The following TRIO variants were observed in gnomAD, a reference collection of about 807,000 sequenced individuals.
TRIO encodes the protein trio Rho guanine nucleotide exchange factor.
TRIO carries 58 observed loss-of-function variants against 351.9 expected under a neutral mutation model. That is an observed-to-expected ratio of 0.16 (90% CI 0.13 to 0.21). TRIO has a LOEUF of 0.21. Ranked by LOEUF, TRIO falls within the 10% of genes least tolerant of loss-of-function variation. TRIO has a pLI of 1.00. For missense variants in TRIO, 3,201 were observed against 4,027.8 expected (o/e 0.79, Z 5.56); for synonymous variants, 1,758 against 1,595.7 (o/e 1.10, Z -2.42).
intron 1 of TRIO, among the ~76,000 whole-genome samples, chr5:14,250,010 A>G (rs2152245841): frequency 6.6e-6 from 1 of 152,314 alleles, no homozygotes; most frequent in South Asian, 2.1e-4. Flanking sequence ...GAAATGACAA[A>G]TAAGAATTTG....
At chr5:14,396,622 A>G (rs147469027) in intron 28 of TRIO, among the ~76,000 whole-genome samples, 2,396 of 150,660 alleles carry the variant, frequency 0.016, 57 homozygotes, top group African/African-American at 0.055. Context: ...GGTGCATGCC[A>G]CCATGCCCAG....
chr5:14,230,340 T>TTGTGTGTG (rs59717445), intron 1 of TRIO, among the ~76,000 whole-genome samples: 2,079 of 149,092 alleles, frequency 0.014, 55 homozygotes, highest in African/African-American at 0.049. Flanking sequence ...GGCAAGATGT[T>TTGTGTGTG]TGTGTGTGTG....
intron 34 of TRIO, among the ~76,000 whole-genome samples, chr5:14,435,418 C>T (rs1032361118): frequency 3.3e-5 from 5 of 152,172 alleles, no homozygotes; most frequent in African/African-American, 9.7e-5. Context: ...GTCTCAGTAG[C>T]ATCTGCAGCA....
chr5:14,465,918 G>A (rs1372863103), intron 37 of TRIO: 9 of 375,406 alleles, frequency 2.4e-5, no homozygotes, highest in Non-Finnish European at 3.5e-5. Flanking sequence ...CTCAGGGAGT[G>A]CCTGGTTCAA....
intron 1 of TRIO, among the ~76,000 whole-genome samples, chr5:14,173,413 T>C (rs886353586): frequency 1.3e-5 from 2 of 151,966 alleles, no homozygotes; most frequent in African/African-American, 4.8e-5. Flanking sequence ...GCTTTCACCA[T>C]GTTGGTCAGG....
intron 1 of TRIO, among the ~76,000 whole-genome samples, chr5:14,210,687 A>ATTTCCTTTT (rs1264795435): frequency 1.3e-5 from 2 of 152,238 alleles, no homozygotes; most frequent in African/African-American, 4.8e-5. Context: ...TTATTTCAAC[A>ATTTCCTTTT]TGAATCATAG....
chr5:14,248,535 G>A (rs571580684), intron 1 of TRIO, among the ~76,000 whole-genome samples: 5 of 152,328 alleles, frequency 3.3e-5, no homozygotes, highest in South Asian at 2.1e-4. Flanking sequence ...ACCTGCTGCC[G>A]TAGGTGAGGG....
chr5:14,471,629 G>C (rs1046394358), intron 38 of TRIO, among the ~76,000 whole-genome samples, 163 bp downstream of exon 38: 4 of 152,116 alleles, frequency 2.6e-5, no homozygotes, highest in Non-Finnish European at 5.9e-5. Context: ...GACCTAATAA[G>C]GGCACAGTAT....
Position 14,487,666 on chromosome 5 carries a change from A to T in TRIO, c.7038A>T (p.Arg2346=). The change falls in exon 48 of 57, where the codon CGA becomes CGT. Residue 2346 remains arginine, a synonymous_variant. Transcript: ENST00000344204. The stretch of plus-strand genomic sequence containing the variant: ...CCTCCCGGATCCCCCAGCCTGTCCG[A>T]CACCACCCCCCCGTGCTGGTCTCCT... ...SRPSRIPQPV[R]HHPPVLVSSA... is the part of the protein sequence containing the mutation. 1 of 1,369,916 alleles carries T rather than the reference A, an allele frequency of 7.3e-7. No individual in the cohort carries two copies. Among genetic ancestry groups the T allele is most frequent in the African/African-American group, 1.5e-5 (1 of 65,064 alleles). The allele number at this position is 1,369,916 out of a possible 1,614,324, so 84.9% of individuals were successfully genotyped here. A position where few individuals can be genotyped will look rare whatever the true frequency, so the allele number is the denominator to read the frequency against.
Position 14,368,694 on chromosome 5 carries a change from T to G in TRIO, c.2875-14T>G. 1.9e-6 allele frequency: 3 copies of G among 1,606,124 alleles called. No individual in the cohort carries two copies. Among genetic ancestry groups the G allele is most frequent in the Non-Finnish European group, 2.6e-6 (3 of 1,173,654 alleles). On this transcript the variant is annotated splice_polypyrimidine_tract_variant and intron_variant, in intron 16 of 56. Transcript: ENST00000344204. ...ACTGACAAATAAGCCTTCCCTTTTGTTCTCTGTCTCTAGAAAACACATCAG... is the reference window on the plus strand; with the variant it reads ...ACTGACAAATAAGCCTTCCCTTTTGGTCTCTGTCTCTAGAAAACACATCAG...
At chr5:14,469,640 A>T (rs530593410) in intron 37 of TRIO, among the ~76,000 whole-genome samples, 57 of 152,372 alleles carry the variant, frequency 3.7e-4, no homozygotes, top group African/African-American at 1.3e-3. Context: ...TTTGTGGAAG[A>T]GGCAAATGGG....
chr5:14,239,430 G>A (rs537668822), intron 1 of TRIO, among the ~76,000 whole-genome samples: 2 of 152,248 alleles, frequency 1.3e-5, no homozygotes, highest in East Asian at 1.9e-4. Context: ...ACAGAAATAC[G>A]CAAGCACAGC....
chr5:14,284,966 T>G (rs1053914995), intron 3 of TRIO, among the ~76,000 whole-genome samples: 2 of 151,984 alleles, frequency 1.3e-5, no homozygotes, highest in African/African-American at 4.8e-5. Flanking sequence ...GGCCCTGGAG[T>G]TTCTGTGGAA....
At chr5:14,292,098 G>A (rs1366310678) in intron 5 of TRIO, among the ~76,000 whole-genome samples, 2 of 152,220 alleles carry the variant, frequency 1.3e-5, no homozygotes, top group East Asian at 3.8e-4. Context: ...ATTAATCATT[G>A]AGTTTTATTG....
chr5:14,211,247 A>G (rs1295647910), intron 1 of TRIO, among the ~76,000 whole-genome samples: 2 of 152,234 alleles, frequency 1.3e-5, no homozygotes, highest in African/African-American at 4.8e-5. Context: ...AGTATCTCAG[A>G]AAGAATCATC....
At chr5:14,361,691 G>T (rs1443982679) in intron 13 of TRIO, among the ~76,000 whole-genome samples, 4 of 152,214 alleles carry the variant, frequency 2.6e-5, no homozygotes, top group Non-Finnish European at 5.9e-5. Context: ...GATGTGGATG[G>T]AGGTCCAGTG....
intron 7 of TRIO, among the ~76,000 whole-genome samples, chr5:14,298,108 C>T (rs1425136713): frequency 6.6e-6 from 1 of 152,148 alleles, no homozygotes; most frequent in Non-Finnish European, 1.5e-5. Context: ...ACACAGTTGA[C>T]AGTGTCTTTC....
intron 33 of TRIO, among the ~76,000 whole-genome samples, chr5:14,414,871 G>A (rs1007471232): frequency 1.1e-4 from 16 of 152,214 alleles, no homozygotes; most frequent in Non-Finnish European, 1.6e-4. Context: ...CCGAGTCTCC[G>A]TGAAGTTGCC....
At chr5:14,188,375 CCAAAGTA>C (rs1790250667) in intron 1 of TRIO, among the ~76,000 whole-genome samples, 1 of 152,036 alleles carries the variant, frequency 6.6e-6, no homozygotes, top group Non-Finnish European at 1.5e-5. Flanking sequence ...GTTAAGTAGC[CCAAAGTA>C]CAGAGTTAGT....
Sources: allele counts gnomAD v4.1 joint callset (sites outside exome capture counted in the v4.1 genomes callset), GRCh38; gene constraint gnomAD v4.1.1; transcripts MANE v1.5; gene names NCBI Gene and HGNC (gene_info 2026-07-23, HGNC 2026-07-21).